Variants in TMEM132B observed in about 807,000 individuals in gnomAD.
The protein encoded by TMEM132B is transmembrane protein 132B.
A neutral mutation model predicts 90.8 loss-of-function variants in TMEM132B; 18 were observed. The ratio of observed to expected loss-of-function variants is 0.20; its 90% CI spans 0.14 to 0.29. The LOEUF is 0.29. Ranked by LOEUF, TMEM132B falls within the 10% of genes least tolerant of loss-of-function variation. The pLI, the probability that TMEM132B is intolerant of heterozygous loss-of-function variation, is 1.00. For synonymous variants in TMEM132B, 504 were observed against 523.3 expected, an observed-to-expected ratio of 0.96 and a Z score of 0.50; for missense variants, 1,096 against 1,326.8, an observed-to-expected ratio of 0.83 and a Z score of 2.70.
Position 125,408,234 on chromosome 12 carries a change from C to T in TMEM132B, c.960-7297C>T, listed in dbSNP as rs116163456. On this transcript the variant is annotated intron_variant, in intron 2 of 8. Coordinates refer to ENST00000682704, the MANE Select transcript of TMEM132B (RefSeq NM_001366854.1). This position sits in a 1 kb window ranked among gnomAD's most constrained non-coding sequence, Gnocchi z 5.9. ...CTCGTTACTGCTGTATAGTGTTCCA[C>T]TGTGAGATGTTACGCTTTACCAGTT... Among the ~76,000 whole-genome samples, 354 of 152,302 alleles carry T rather than the reference C, an allele frequency of 2.3e-3. 3 individuals are homozygous for T. The highest frequency in any genetic ancestry group is 8.2e-3 in the African/African-American group (340 of 41,566).
intron 3 of TMEM132B, among the ~76,000 whole-genome samples, chr12:125,422,456 C>T (rs530934878): frequency 1.3e-5 from 2 of 152,346 alleles, no homozygotes; most frequent in African/African-American, 4.8e-5. Flanking sequence ...TCATTAAAAG[C>T]AGTGCCCACA....
At chr12:125,557,894 G>A (rs1223502550) in intron 4 of TMEM132B, among the ~76,000 whole-genome samples, 1 of 152,110 alleles carries the variant, frequency 6.6e-6, no homozygotes, top group East Asian at 1.9e-4. Flanking sequence ...GCTTAAGAAG[G>A]GCTGGAGATG....
chr12:125,449,036 G>A (rs768875942), intron 3 of TMEM132B, among the ~76,000 whole-genome samples: 8 of 145,708 alleles, frequency 5.5e-5, no homozygotes, highest in Non-Finnish European at 8.9e-5. Flanking sequence ...GCGCAGTCTC[G>A]GCTCACTGCA....
At chr12:125,583,732 C>A in intron 4 of TMEM132B, 119 bp from the exon 5 acceptor site, 3 of 1,236,486 alleles carry the variant, frequency 2.4e-6, no homozygotes, top group Non-Finnish European at 3.4e-6. Context: ...TCCCTTCAGA[C>A]AACTGTCTAA....
chr12:125,251,762 C>T lies in TMEM132B; in HGVS notation c.67+64896C>T, dbSNP rs1035026852. On this transcript the variant is annotated intron_variant, in intron 1 of 8. Transcript: ENST00000682704. The surrounding 1 kb of genome is among the most constrained non-coding windows in gnomAD (Gnocchi z 4.4). The stretch of plus-strand genomic sequence containing the variant: ...TTGGGAGTAACGAGCCCAGTGTTGC[C>T]AGAGCTGATTTTCCTAGAAAGGCCA... Among the ~76,000 whole-genome samples, 1 of 152,092 alleles carries T rather than the reference C, an allele frequency of 6.6e-6. No individual in the cohort carries two copies. The highest frequency in any genetic ancestry group is 1.5e-5 in the Non-Finnish European group (1 of 68,032).
chr12:125,273,538 GA>G (rs1042868946), intron 1 of TMEM132B, among the ~76,000 whole-genome samples: 4 of 152,192 alleles, frequency 2.6e-5, no homozygotes, highest in Non-Finnish European at 5.9e-5. Flanking sequence ...AGTGATCCGT[GA>G]TCAAAACCAC....
At chr12:125,566,224 C>T (rs377274226) in intron 4 of TMEM132B, among the ~76,000 whole-genome samples, 4 of 152,326 alleles carry the variant, frequency 2.6e-5, no homozygotes, top group African/African-American at 9.6e-5. Context: ...ATTCCCTTCT[C>T]CTTCACTTCC....
At chr12:125,323,266 T>C (rs1183323826) in intron 1 of TMEM132B, among the ~76,000 whole-genome samples, 3 of 152,098 alleles carry the variant, frequency 2.0e-5, no homozygotes, top group Admixed American at 6.5e-5. Context: ...TGAAACCCTG[T>C]CTCTACTGAA....
At chr12:125,575,057 C>CATATATATATATATATAT (rs147688714) in intron 4 of TMEM132B, among the ~76,000 whole-genome samples, 923 of 43,712 alleles carry the variant, frequency 0.021, 174 homozygotes, top group East Asian at 0.042. Flanking sequence ...TATTAGCTGT[C>CATATATATATATATATAT]ATATATATAT....
chr12:125,437,270 A>T (rs1880734754), intron 3 of TMEM132B, among the ~76,000 whole-genome samples: 1 of 152,170 alleles, frequency 6.6e-6, no homozygotes, highest in South Asian at 2.1e-4. Context: ...TATGATTCTG[A>T]TGCTGGCGGA....
At chr12:125,467,443 C>A (rs2136487610) in intron 3 of TMEM132B, among the ~76,000 whole-genome samples, 1 of 149,038 alleles carries the variant, frequency 6.7e-6, no homozygotes, top group Non-Finnish European at 1.5e-5. Context: ...CCCCCACCCT[C>A]TTCTTCTTCT....
intron 4 of TMEM132B, among the ~76,000 whole-genome samples, chr12:125,567,144 G>C (rs1271411456): frequency 6.6e-6 from 1 of 152,204 alleles, no homozygotes; most frequent in African/African-American, 2.4e-5. Context: ...GCAGCCGGCT[G>C]TCTTTTTGGC....
intron 2 of TMEM132B, among the ~76,000 whole-genome samples, chr12:125,373,234 C>A (rs1036378145): frequency 1.3e-5 from 2 of 152,222 alleles, no homozygotes. Flanking sequence ...CTTTACATCT[C>A]GGATACAGCC....
Position 125,644,148 on chromosome 12 carries a change from T to G in TMEM132B, c.1510T>G (p.Phe504Val). Residue 504 changes from phenylalanine to valine, a missense_variant, in exon 6 of 9, where the codon TTC (phenylalanine) becomes GTC (valine). Phe to Val is a conservative substitution (Grantham distance 50). Transcript: ENST00000682704. ...GAGCAAAGTGGACACGATTGTGAAC[T>G]TCACCCACCAGCACTTCACCTCCCA... The part of the protein sequence containing the change: ...MKSKVDTIVN[F>V]THQHFTSQFE... The G allele has an allele frequency of 1.9e-6, 3 of 1,614,222 alleles. No individual in the cohort carries two copies. The highest frequency in any genetic ancestry group is 2.5e-6 in the Non-Finnish European group (3 of 1,180,042).
chr12:125,256,213 A>G (rs535741319), intron 1 of TMEM132B, among the ~76,000 whole-genome samples: 92 of 152,322 alleles, frequency 6.0e-4, no homozygotes, highest in African/African-American at 1.9e-3. Context: ...GCTGGAAAAC[A>G]GGGAGGTGTT....
intron 3 of TMEM132B, among the ~76,000 whole-genome samples, chr12:125,515,764 TCA>T (rs539462269): frequency 5.9e-5 from 9 of 151,478 alleles, no homozygotes; most frequent in East Asian, 5.9e-4. Context: ...TCACACATTC[TCA>T]CACACATTTG....
intron 2 of TMEM132B, among the ~76,000 whole-genome samples, chr12:125,363,940 T>C (rs140339930): frequency 6.6e-4 from 100 of 152,324 alleles, no homozygotes; most frequent in Non-Finnish European, 1.4e-3. Flanking sequence ...TCTACAGATA[T>C]GAAAATAAAT....
intron 2 of TMEM132B, among the ~76,000 whole-genome samples, chr12:125,392,974 G>T (rs114829996): frequency 1.3e-5 from 2 of 152,122 alleles, no homozygotes; most frequent in Admixed American, 1.3e-4. Context: ...TCCCTCCTGC[G>T]TAGCCTGCCT....
At chr12:125,214,729 C>G (rs956241293) in intron 1 of TMEM132B, among the ~76,000 whole-genome samples, 2 of 152,234 alleles carry the variant, frequency 1.3e-5, no homozygotes, top group African/African-American at 4.8e-5. Context: ...CAGTTGCCCT[C>G]TCCCAGATTT....
Sources: gnomAD v4.1 joint callset for allele counts (sites outside exome capture counted in the v4.1 genomes callset) on GRCh38, gnomAD v4.1.1 for gene constraint, Gnocchi (gnomAD v3.1) non-coding constraint, MANE v1.5 for transcripts, NCBI Gene and HGNC (gene_info 2026-07-23, HGNC 2026-07-21) for gene names.